Variants in VPS26A observed in about 807,000 individuals in gnomAD.
VPS26A encodes the protein vacuolar protein sorting-associated protein 26A.
Under a neutral mutation model 42.4 loss-of-function variants are expected in VPS26A, and 22 were observed. The observed-to-expected ratio is 0.52, with a 90% CI of 0.37 to 0.74. The LOEUF is 0.74. Ranked by LOEUF, VPS26A falls within the 30% of genes least tolerant of loss-of-function variation. The pLI is 0.00. For synonymous variants in VPS26A, 110 were observed against 123.5 expected (o/e 0.89, Z 0.73); for missense variants, 276 against 379.2 (o/e 0.73, Z 2.26).
At chr10:69,155,156 A>AT (rs1491004424) in intron 2 of VPS26A, among the ~76,000 whole-genome samples, 1 of 140,034 alleles carries the variant, frequency 7.1e-6, no homozygotes, top group East Asian at 2.0e-4. Context: ...AAAAAAAAAA[A>AT]AGTATGTAAG....
At chr10:69,142,841 G>A (rs12246716) in intron 2 of VPS26A, among the ~76,000 whole-genome samples, 1 of 151,974 alleles carries the variant, frequency 6.6e-6, no homozygotes, top group African/African-American at 2.4e-5. Flanking sequence ...AAACTAACTA[G>A]TTTTCAAACA....
At position 69,158,039 on chromosome 10, in the gene VPS26A, C is replaced by A; in HGVS notation, c.387-8C>A. The A allele has an allele frequency of 6.3e-7, 1 of 1,589,180 alleles. No homozygotes were observed. Among genetic ancestry groups the A allele is most frequent in the Admixed American group, 1.9e-5 (1 of 53,900 alleles). ...ATTTAACTCATCGACTCTCTTTTAACTTTGTAGGTATTTTCTTAAAGTGAC... is the reference window on the plus strand; with the variant it reads ...ATTTAACTCATCGACTCTCTTTTAAATTTGTAGGTATTTTCTTAAAGTGAC... On this transcript the variant is annotated splice_polypyrimidine_tract_variant and splice_region_variant and intron_variant, in intron 4 of 8. Coordinates refer to ENST00000263559, the MANE Select transcript of VPS26A (RefSeq NM_004896.5).
intron 4 of VPS26A, 105 bp downstream of exon 4, chr10:69,157,268 T>A: frequency 7.2e-7 from 1 of 1,392,878 alleles, no homozygotes; most frequent in Non-Finnish European, 9.6e-7. Flanking sequence ...ATTGGAAGAT[T>A]TAAGATTTTT....
At chr10:69,166,240 G>T (rs1841684947) in intron 7 of VPS26A, 130 bp downstream of exon 7, 2 of 809,312 alleles carry the variant, frequency 2.5e-6, no homozygotes, top group Non-Finnish European at 3.9e-6. Context: ...AGCTTTTAAG[G>T]TCATCTTTGT....
chr10:69,158,839 A>G (rs1841489886), intron 5 of VPS26A, among the ~76,000 whole-genome samples: 1 of 152,208 alleles, frequency 6.6e-6, no homozygotes, highest in African/African-American at 2.4e-5. Flanking sequence ...ATATTGAAGC[A>G]AATTCCAGAC....
At chr10:69,170,431 A>AGG (rs1841790782) in intron 8 of VPS26A, 1 of 151,738 alleles carries the variant, frequency 6.6e-6, no homozygotes, top group Non-Finnish European at 1.5e-5. Context: ...TGTTGGGGAA[A>AGG]AAAAAAAGCC....
intron 2 of VPS26A, among the ~76,000 whole-genome samples, 174 bp downstream of exon 2, chr10:69,133,221 AAGATTCTT>A (rs1215932014): frequency 6.6e-6 from 1 of 152,154 alleles, no homozygotes; most frequent in Non-Finnish European, 1.5e-5. Context: ...CTGCAAAGGA[AAGATTCTT>A]ACCCTGGAAG....
At chr10:69,169,238 A>G (rs2132242343) in intron 8 of VPS26A, among the ~76,000 whole-genome samples, 1 of 150,036 alleles carries the variant, frequency 6.7e-6, no homozygotes, top group South Asian at 2.1e-4. Flanking sequence ...CTCTTAACAA[A>G]TATACATTAT....
Position 69,171,323 on chromosome 10 carries a change from AGTT to A in VPS26A, c.*55_*57del. On this transcript the variant is annotated 3_prime_UTR_variant, in exon 9 of 9. Transcript: ENST00000263559. The stretch of plus-strand genomic sequence containing the variant: ...AAAACTCCTGTAACCCTTGAGATTA[AGTT>A]CAGCAGGTTAAAGATGGTTGCAGCT... 2 of 1,534,626 alleles carry A rather than the reference AGTT, an allele frequency of 1.3e-6. No individual in the cohort carries two copies. Among genetic ancestry groups the A allele is most frequent in the Non-Finnish European group, 1.8e-6 (2 of 1,125,934 alleles).
intron 2 of VPS26A, among the ~76,000 whole-genome samples, chr10:69,133,824 C>T (rs565765476): frequency 2.6e-5 from 4 of 152,102 alleles, no homozygotes; most frequent in African/African-American, 9.6e-5. Flanking sequence ...GTAGCTGGGA[C>T]TACAGGCACA....
chr10:69,124,216 G>A lies in VPS26A; in HGVS notation c.-62G>A. 1 of 1,274,026 alleles carries A rather than the reference G, an allele frequency of 7.8e-7. No individual in the cohort carries two copies. The allele number at this position is 1,274,026 out of a possible 1,614,324, so 78.9% of individuals were successfully genotyped here. On this transcript the variant is annotated 5_prime_UTR_variant, in exon 1 of 9. Transcript: ENST00000263559. ...GGAGCGCCGGAGCGGAGGGAGCCGG[G>A]GCTGGGAGTTCTCCTGAGGGAAGAG...
chr10:69,161,549 C>T, intron 5 of VPS26A: 1 of 220,970 alleles, frequency 4.5e-6, no homozygotes, highest in Non-Finnish European at 9.5e-6. Flanking sequence ...TTGAAGTATT[C>T]TCTGATGACA....
At chr10:69,168,717 G>C (rs148848378) in intron 8 of VPS26A, 86 bp downstream of exon 8, 4 of 1,483,376 alleles carry the variant, frequency 2.7e-6, no homozygotes, top group Admixed American at 2.4e-5. Context: ...ACTGTACTGA[G>C]CGAGTGGGAG....
chr10:69,146,577 C>T (rs909872251), intron 2 of VPS26A, among the ~76,000 whole-genome samples: 2 of 152,268 alleles, frequency 1.3e-5, no homozygotes, highest in East Asian at 3.9e-4. Context: ...CGGTAACTCC[C>T]CATCTTCCAG....
At chr10:69,144,978 G>T (rs1841122719) in intron 2 of VPS26A, among the ~76,000 whole-genome samples, 1 of 150,186 alleles carries the variant, frequency 6.7e-6, no homozygotes. Context: ...CTACCCCTTG[G>T]GCACAAAGAT....
chr10:69,163,768 T>TTC (rs1234104013), intron 6 of VPS26A, among the ~76,000 whole-genome samples: 6 of 144,180 alleles, frequency 4.2e-5, no homozygotes, highest in African/African-American at 1.3e-4. Flanking sequence ...TCAGTTTTCT[T>TTC]TTTTTTTTTT....
chr10:69,167,487 G>A (rs1841716586), intron 7 of VPS26A, among the ~76,000 whole-genome samples: 1 of 149,942 alleles, frequency 6.7e-6, no homozygotes, highest in African/African-American at 2.4e-5. Flanking sequence ...TGTAATCCCA[G>A]CACTTTGGGA....
chr10:69,134,097 A>T (rs936920500), intron 2 of VPS26A, among the ~76,000 whole-genome samples: 1 of 152,208 alleles, frequency 6.6e-6, no homozygotes, highest in African/African-American at 2.4e-5. Flanking sequence ...GAAATAATTT[A>T]AAAATAGAAA....
chr10:69,135,203 TGTAGTCTCCATA>T (rs1355427331), intron 2 of VPS26A, among the ~76,000 whole-genome samples: 1 of 152,236 alleles, frequency 6.6e-6, no homozygotes, highest in African/African-American at 2.4e-5. Context: ...AGTGTGCTTC[TGTAGTCTCCATA>T]AAATACATGA....
Sources: gnomAD v4.1 joint callset for allele counts (sites outside exome capture counted in the v4.1 genomes callset) on GRCh38, gnomAD v4.1.1 for gene constraint, MANE v1.5 for transcripts, NCBI Gene and HGNC (gene_info 2026-07-23, HGNC 2026-07-21) for gene names.